The following ZNF44 variants were observed in gnomAD, a reference collection of about 807,000 sequenced individuals.
ZNF44 encodes gonadotropin inducible transcription repressor-2.
In ZNF44, 9 loss-of-function variants were observed where a neutral mutation model predicts 11.7. The ratio of observed to expected loss-of-function variants is 0.77; its 90% CI spans 0.46 to 1.35. The LOEUF (loss-of-function observed/expected upper bound fraction) is 1.35. Among genes scored for constraint, ZNF44 ranks in the 40% most tolerant of loss-of-function variants. The probability of loss-of-function intolerance (pLI) is 0.00; values close to 1 mark genes in which losing one functional copy is unlikely to be tolerated. For missense variants in ZNF44, 696 were observed against 743.1 expected (o/e 0.94, Z 0.74); for synonymous variants, 224 against 242.7 (o/e 0.92, Z 0.72).
downstream of ZNF44, among the ~76,000 whole-genome samples, chr19:12,267,038 T>TTTC (rs1555739402): frequency 6.4e-4 from 95 of 148,076 alleles, 3 homozygotes; most frequent in East Asian, 0.012. Flanking sequence ...CATTTTTTCT[T>TTTC]TTTTCTTTTT....
chr19:12,269,741 A>AT (rs1200705148), downstream of ZNF44, among the ~76,000 whole-genome samples: 1 of 152,082 alleles, frequency 6.6e-6, no homozygotes, highest in African/African-American at 2.4e-5. Context: ...TTTGGATTGG[A>AT]TTTTCCCAAA....
chr19:12,241,245 A>C (rs2459003), upstream of ZNF44, among the ~76,000 whole-genome samples: 9,345 of 152,312 alleles, frequency 0.061, 972 homozygotes, highest in African/African-American at 0.22. Flanking sequence ...AAAAAGTAGA[A>C]TATAACCAGG....
intron 1 of ZNF44, among the ~76,000 whole-genome samples, chr19:12,293,014 C>T (rs911522417): frequency 6.6e-5 from 10 of 151,938 alleles, no homozygotes; most frequent in African/African-American, 9.7e-5. Context: ...GGATTACAGG[C>T]ACCTGCCACC....
intron 5 of ZNF44, chr19:12,250,429 T>C: frequency 8.0e-7 from 1 of 1,248,768 alleles, no homozygotes; most frequent in Non-Finnish European, 1.0e-6. Flanking sequence ...TGGACATCTA[T>C]ACTCGAGTCA....
At chr19:12,241,281 A>T (rs764952598), upstream of ZNF44, among the ~76,000 whole-genome samples, 12 of 152,248 alleles carry the variant, frequency 7.9e-5, no homozygotes, top group Non-Finnish European at 1.3e-4. Flanking sequence ...TAGAAACTGC[A>T]GTCCTTGTGT....
At chr19:12,244,638 A>C (rs1388432564), downstream of ZNF44, 1 of 152,682 alleles carries the variant, frequency 6.5e-6, no homozygotes, top group Non-Finnish European at 1.5e-5. Flanking sequence ...ACCATAATGG[A>C]TCAAAATGAA....
chr19:12,283,526 T>G lies in ZNF44; in HGVS notation c.4-7444A>C, dbSNP rs972557157. ...TTGTATTTTTAGTAGAGACGGGGTT[T>G]CACCGTATTAGCCAGGATGGTCATG... is the stretch of plus-strand genomic sequence containing the variant. On this transcript the variant is annotated intron_variant, in intron 1 of 3. Coordinates refer to ENST00000355684, the MANE Select transcript of ZNF44 (RefSeq NM_016264.4). Among the ~76,000 whole-genome samples the G allele has an allele frequency of 2.0e-5, 3 of 152,104 alleles. No individual in the cohort carries two copies. The South Asian group carries it at 6.2e-4, about 32-fold the overall frequency.
downstream of ZNF44, among the ~76,000 whole-genome samples, chr19:12,225,784 G>A (rs2145669397): frequency 6.6e-6 from 1 of 152,286 alleles, no homozygotes; most frequent in African/African-American, 2.4e-5. Context: ...TGATGAGGTA[G>A]GGGTGAGACT....
chr19:12,252,923 T>C (rs1293870702), intron 5 of ZNF44, among the ~76,000 whole-genome samples: 1 of 137,728 alleles, frequency 7.3e-6, no homozygotes, highest in Non-Finnish European at 1.5e-5. Flanking sequence ...AGTCTCACTC[T>C]GTCTCCCAGG....
At chr19:12,279,059 T>C (rs1313500661) in intron 1 of ZNF44, among the ~76,000 whole-genome samples, 3 of 152,224 alleles carry the variant, frequency 2.0e-5, no homozygotes, top group East Asian at 1.9e-4. Context: ...TTTTTACTTT[T>C]AGCTTCTAAC....
intron 3 of ZNF44, among the ~76,000 whole-genome samples, chr19:12,228,957 A>G (rs1232190673): frequency 1.3e-5 from 2 of 152,236 alleles, no homozygotes; most frequent in East Asian, 3.8e-4. Flanking sequence ...TTGATTAATA[A>G]ATGCAAACAA....
chr19:12,256,491 A>G (rs1171818227), intron 5 of ZNF44, among the ~76,000 whole-genome samples: 1 of 152,100 alleles, frequency 6.6e-6, no homozygotes, highest in Non-Finnish European at 1.5e-5. Flanking sequence ...TCAAAATACA[A>G]AAACAAAAAC....
intron 3 of ZNF44, among the ~76,000 whole-genome samples, chr19:12,229,714 C>T (rs907370037): frequency 2.0e-5 from 3 of 151,826 alleles, no homozygotes; most frequent in Admixed American, 6.6e-5. Context: ...CCCAGGTTCA[C>T]GCCATTCTTC....
chr19:12,241,528 TAC>T (rs1916614007), upstream of ZNF44, among the ~76,000 whole-genome samples: 1 of 152,132 alleles, frequency 6.6e-6, no homozygotes, highest in South Asian at 2.1e-4. Context: ...ACCCTGTCTC[TAC>T]TAAAAATACA....
exon 8 of ZNF44, chr19:12,248,467 C>A (rs1916846488): frequency 7.7e-7 from 1 of 1,290,776 alleles, no homozygotes; most frequent in Admixed American, 2.3e-5. Flanking sequence ...TCTCCATATT[C>A]CTGACACTTA....
At chr19:12,240,829 T>C (rs1916589595), upstream of ZNF44, among the ~76,000 whole-genome samples, 1 of 152,144 alleles carries the variant, frequency 6.6e-6, no homozygotes, top group Non-Finnish European at 1.5e-5. Flanking sequence ...GCCAAAACCA[T>C]AGAAGACTTA....
chr19:12,259,673 A>G (rs1259401404), intron 5 of ZNF44, among the ~76,000 whole-genome samples: 1 of 152,018 alleles, frequency 6.6e-6, no homozygotes, highest in Non-Finnish European at 1.5e-5. Flanking sequence ...GGGTGTCATC[A>G]CTGTCATCAG....
intron 1 of ZNF44, chr19:12,285,137 C>T: frequency 1.6e-6 from 1 of 622,504 alleles, no homozygotes; most frequent in Non-Finnish European, 2.9e-6. Flanking sequence ...AGACCCACAC[C>T]AGAGTCTCTG....
chr19:12,258,391 A>G (rs957664519), intron 5 of ZNF44, among the ~76,000 whole-genome samples: 13 of 151,404 alleles, frequency 8.6e-5, no homozygotes, highest in African/African-American at 3.1e-4. Flanking sequence ...CACTACAACC[A>G]TACAACCATT....
Sources: gnomAD v4.1 joint callset for allele counts (sites outside exome capture counted in the v4.1 genomes callset) on GRCh38, gnomAD v4.1.1 for gene constraint, MANE v1.5 for transcripts, NCBI Gene and HGNC (gene_info 2026-07-23, HGNC 2026-07-21) for gene names.